Variants in CDH13 observed in about 807,000 individuals in gnomAD.
CDH13 encodes the protein cadherin 13, also known as cadherin-13.
A neutral mutation model predicts 63.8 loss-of-function variants in CDH13; 24 were observed. That is an observed-to-expected ratio of 0.38 (90% CI 0.27 to 0.53). CDH13 has a LOEUF of 0.53. Among genes scored for constraint, CDH13 ranks in the 20% least tolerant of loss-of-function variants. The pLI is 0.85. For missense variants in CDH13, 1,049 were observed against 903.1 expected, an observed-to-expected ratio of 1.16 and a Z score of -2.07; for synonymous variants, 503 against 355.3, an observed-to-expected ratio of 1.42 and a Z score of -4.67.
chr16:83,204,328 A>C (rs1158838266), intron 4 of CDH13, among the ~76,000 whole-genome samples: 1 of 152,254 alleles, frequency 6.6e-6, no homozygotes, highest in Non-Finnish European at 1.5e-5. Flanking sequence ...CCTCCTCTGT[A>C]AAACAGATTA....
chr16:83,749,455 C>A (rs148134163), intron 11 of CDH13, among the ~76,000 whole-genome samples: 217 of 152,212 alleles, frequency 1.4e-3, no homozygotes, highest in African/African-American at 5.1e-3. Flanking sequence ...TAGAAGGGGG[C>A]ACAGCACAGG....
chr16:82,638,823 T>TGCGTGTGTGTGTGTGTGTGTGCGCGC (rs1555527483), intron 1 of CDH13, among the ~76,000 whole-genome samples: 1 of 150,790 alleles, frequency 6.6e-6, no homozygotes, highest in African/African-American at 2.4e-5. Flanking sequence ...GGGCAGTGTG[T>TGCGTGTGTGTGTGTGTGTGTGCGCGC]GCGTGTGTGC....
At chr16:83,142,171 T>C (rs573237211) in intron 4 of CDH13, among the ~76,000 whole-genome samples, 2 of 148,284 alleles carry the variant, frequency 1.3e-5, no homozygotes, top group East Asian at 3.9e-4. Context: ...TTTTTTTTTT[T>C]TTTTTTTTGA....
At chr16:83,695,152 A>G (rs751616518) in intron 10 of CDH13, among the ~76,000 whole-genome samples, 1 of 152,200 alleles carries the variant, frequency 6.6e-6, no homozygotes, top group Non-Finnish European at 1.5e-5. Context: ...GATTGCAGTG[A>G]GCCAAGATCA....
At chr16:83,204,450 ATT>A (rs1220113709) in intron 4 of CDH13, among the ~76,000 whole-genome samples, 1 of 152,150 alleles carries the variant, frequency 6.6e-6, no homozygotes, top group African/African-American at 2.4e-5. Context: ...CATCACCATC[ATT>A]TTAAACTGTT....
chr16:83,384,065 A>G (rs931024044), intron 6 of CDH13, among the ~76,000 whole-genome samples: 2 of 152,126 alleles, frequency 1.3e-5, no homozygotes, highest in African/African-American at 4.8e-5. Flanking sequence ...TATGTCTACA[A>G]CTACTGTATC....
At position 83,775,735 on chromosome 16, in the gene CDH13, A is replaced by C. The variant is rs542031816; in HGVS notation, c.1682-4233A>C. 7.6e-4 allele frequency among the ~76,000 whole-genome samples: 115 copies of C among 152,222 alleles called. 1 individual carries two copies. The highest frequency in any genetic ancestry group is 2.1e-3 in the South Asian group (10 of 4,820). The stretch of plus-strand genomic sequence containing the variant: ...TCTGTCTCAAAAATAAAAAAAAAGA[A>C]AAAAGAAAGAAGTAAAAGAAAAGAA... On this transcript the variant is annotated intron_variant, in intron 11 of 13. Coordinates refer to ENST00000567109, the MANE Select transcript of CDH13 (RefSeq NM_001257.5).
At chr16:82,809,833 C>A (rs1415560788) in intron 1 of CDH13, among the ~76,000 whole-genome samples, 1 of 152,040 alleles carries the variant, frequency 6.6e-6, no homozygotes, top group East Asian at 1.9e-4. Flanking sequence ...ATAATTCTTT[C>A]TGGACAGCAG....
chr16:83,401,400 G>A (rs778949949), intron 6 of CDH13, among the ~76,000 whole-genome samples: 7 of 151,518 alleles, frequency 4.6e-5, no homozygotes, highest in African/African-American at 9.7e-5. Context: ...CGTGGTAGGC[G>A]TGGTGGGAAG....
intron 4 of CDH13, chr16:83,171,527 G>C (rs2037915765): frequency 6.5e-7 from 1 of 1,534,098 alleles, no homozygotes; most frequent in African/African-American, 1.4e-5. Context: ...TTCAGATGAA[G>C]ATTTGGCAAG....
intron 3 of CDH13, among the ~76,000 whole-genome samples, chr16:83,060,653 C>T (rs1225599998): frequency 2.0e-5 from 3 of 152,226 alleles, no homozygotes; most frequent in African/African-American, 7.2e-5. Context: ...GAATCCAGAG[C>T]CTGCATGCCT....
chr16:83,393,057 C>G (rs2091819115), intron 6 of CDH13, among the ~76,000 whole-genome samples: 2 of 152,054 alleles, frequency 1.3e-5, no homozygotes, highest in Non-Finnish European at 2.9e-5. Flanking sequence ...AGACAGTTCC[C>G]TGCCAGAATA....
rs976222432 is a variant in CDH13 at position 83,481,354 on chromosome 16, C to T, written c.782-5123C>T. On this transcript the variant is annotated intron_variant, in intron 6 of 13. Coordinates refer to ENST00000567109, the MANE Select transcript of CDH13 (RefSeq NM_001257.5). ...GATGGAGTCAAAGAAATGTTAAGAA[C>T]AGCATAATTTTGTCACTGTCTTTTG... 3.3e-5 allele frequency among the ~76,000 whole-genome samples: 5 copies of T among 152,306 alleles called. No individual in the cohort carries two copies. The East Asian group carries it at 5.8e-4, about 18-fold the overall frequency.
chr16:82,873,245 C>G (rs1485364884), intron 2 of CDH13, among the ~76,000 whole-genome samples: 3 of 152,138 alleles, frequency 2.0e-5, no homozygotes, highest in Non-Finnish European at 4.4e-5. Context: ...AGGAGGAGGG[C>G]TGTCATTTGA....
chr16:83,499,891 CT>C (rs1165420548), intron 7 of CDH13, among the ~76,000 whole-genome samples: 2 of 152,218 alleles, frequency 1.3e-5, no homozygotes, highest in African/African-American at 4.8e-5. Context: ...CAATCTCCAC[CT>C]CCCGGGTTCA....
intron 2 of CDH13, among the ~76,000 whole-genome samples, chr16:82,861,352 C>T (rs562524580): frequency 3.3e-5 from 5 of 152,248 alleles, no homozygotes; most frequent in African/African-American, 9.6e-5. Context: ...GTAAACACAG[C>T]ATAATCAATC....
intron 1 of CDH13, among the ~76,000 whole-genome samples, chr16:82,808,577 C>G (rs1019119648): frequency 6.6e-6 from 1 of 152,126 alleles, no homozygotes; most frequent in African/African-American, 2.4e-5. Context: ...GAAGAAGGCT[C>G]TTTTTCTGCC....
chr16:83,304,047 G>T (rs774335946), intron 5 of CDH13, among the ~76,000 whole-genome samples: 1 of 152,152 alleles, frequency 6.6e-6, no homozygotes, highest in Admixed American at 6.5e-5. Flanking sequence ...ATGGTATTGA[G>T]CATAAAATAT....
chr16:83,628,396 C>T (rs1357517721), intron 8 of CDH13, among the ~76,000 whole-genome samples: 2 of 152,270 alleles, frequency 1.3e-5, no homozygotes, highest in Admixed American at 6.5e-5. Flanking sequence ...ATGTGAGCCC[C>T]GGGGCTCTGC....
Sources: allele counts gnomAD v4.1 joint callset (sites outside exome capture counted in the v4.1 genomes callset), GRCh38; gene constraint gnomAD v4.1.1; transcripts MANE v1.5; gene names NCBI Gene and HGNC (gene_info 2026-07-23, HGNC 2026-07-21).